HMCN2: variants seen among roughly 807,000 people sequenced by gnomAD.
The protein encoded by HMCN2 is hemicentin-2.
In HMCN2, 325 loss-of-function variants were observed where a neutral mutation model predicts 377.5. That is an observed-to-expected ratio of 0.86 (90% CI 0.79 to 0.94). The LOEUF (loss-of-function observed/expected upper bound fraction) is 0.94, where lower values mean the gene tolerates loss of function less well. HMCN2 is among the 40% of genes least tolerant of loss of function. The pLI is 0.00. For synonymous variants in HMCN2, 2,007 were observed against 2,046.8 expected, an observed-to-expected ratio of 0.98 and a Z score of 0.53; for missense variants, 4,543 against 4,725.3, an observed-to-expected ratio of 0.96 and a Z score of 1.13.
intron 83 of HMCN2, among the ~76,000 whole-genome samples, chr9:130,408,314 C>T (rs115591691): frequency 0.013 from 1,982 of 152,254 alleles, 42 homozygotes; most frequent in African/African-American, 0.043. Flanking sequence ...AATCTCATAG[C>T]GTTGCTTTGT....
In HMCN2 at chr9:130,359,402, G is replaced by A. The variant is rs576559848; in HGVS notation, c.5761G>A (p.Val1921Met). ...GACCTTGGAGTGTCTGGCTTCGGGC[G>A]TGCCCCCTCCTGGTAAGACCCCTCC... ...SVTLECLASG[V>M]PPPDVSWFKG... The change falls in exon 37 of 98, where the codon GTG becomes ATG. Residue 1921 changes from valine (V) to methionine (M), a missense_variant. Val to Met is a conservative substitution (Grantham distance 21). Transcript: ENST00000683500. The A allele has an allele frequency of 2.8e-5, 37 of 1,301,400 alleles. No homozygotes were observed. Among genetic ancestry groups the A allele is most frequent in the Admixed American group, 1.2e-4 (5 of 43,468 alleles). 80.6% of individuals were successfully genotyped at this position (1,301,400 alleles called of 1,614,324 possible).
At position 130,384,683 on chromosome 9, in the gene HMCN2, A is replaced by G. The variant is rs1475446378; in HGVS notation, c.8993-2A>G. 5 of 1,302,300 alleles carry G rather than the reference A, an allele frequency of 3.8e-6. No homozygotes were observed. In the Admixed American group the frequency reaches 1.1e-4, roughly 30 times the overall value. The allele number at this position is 1,302,300 out of a possible 1,614,324, so 80.7% of individuals were successfully genotyped here. A position where few individuals can be genotyped will look rare whatever the true frequency, so the allele number is the denominator to read the frequency against. ...GTGTGAGGGGCTGGCTTCCCCCGGC[A>G]GGCACCCACACGCTGCAGCTGGGGA... On this transcript the variant is annotated splice_acceptor_variant, in intron 58 of 97. Transcript: ENST00000683500. LOFTEE classifies it high-confidence loss of function.
chr9:130,428,560 G>C lies in HMCN2; in HGVS notation c.14197+71G>C, dbSNP rs997728729. ...AGAGGTTGCCAGGGATCAGCTGACA[G>C]GGGGCTGTGTGTCACTGGGCTCTGG... On this transcript the variant is annotated intron_variant, in intron 93 of 97. Transcript: ENST00000683500. This position sits in a 1 kb window ranked among gnomAD's most constrained non-coding sequence, Gnocchi z 5.0. 1.3e-6 allele frequency: 2 copies of C among 1,514,976 alleles called. No homozygotes were observed. Among genetic ancestry groups the C allele is most frequent in the Admixed American group, 4.0e-5 (2 of 50,436 alleles). 93.8% of individuals were successfully genotyped at this position (1,514,976 alleles called of 1,614,324 possible).
chr9:130,428,564 G>A lies in HMCN2; in HGVS notation c.14197+75G>A. 4 of 1,507,920 alleles carry A rather than the reference G, an allele frequency of 2.7e-6. No homozygotes were observed. In the South Asian group the frequency reaches 4.9e-5, roughly 19 times the overall value. The allele number at this position is 1,507,920 out of a possible 1,614,324, so 93.4% of individuals were successfully genotyped here. A position where few individuals can be genotyped will look rare whatever the true frequency, so the allele number is the denominator to read the frequency against. On this transcript the variant is annotated intron_variant, in intron 93 of 97. Coordinates refer to ENST00000683500, the MANE Select transcript of HMCN2 (RefSeq NM_001291815.2). The surrounding 1 kb of genome is among the most constrained non-coding windows in gnomAD (Gnocchi z 5.0). The stretch of plus-strand genomic sequence containing the variant: ...GTTGCCAGGGATCAGCTGACAGGGG[G>A]CTGTGTGTCACTGGGCTCTGGGCTT...
At chr9:130,401,345 A>G (rs530168257) in intron 77 of HMCN2, among the ~76,000 whole-genome samples, 2 of 152,124 alleles carry the variant, frequency 1.3e-5, no homozygotes, top group Non-Finnish European at 2.9e-5. Flanking sequence ...TTTTTTTAAG[A>G]TGGAGTCTCG....
At chr9:130,339,466 G>A (rs1039984168) in intron 23 of HMCN2, among the ~76,000 whole-genome samples, 1 of 152,170 alleles carries the variant, frequency 6.6e-6, no homozygotes, top group South Asian at 2.1e-4. Flanking sequence ...GGGTTTGCCT[G>A]GGGGTGTGAG....
At chr9:130,331,154 C>T (rs1838405139) in intron 22 of HMCN2, among the ~76,000 whole-genome samples, 1 of 129,286 alleles carries the variant, frequency 7.7e-6, no homozygotes, top group South Asian at 2.3e-4. Flanking sequence ...AAGACTCTGT[C>T]TTAAAAAAAA....
intron 77 of HMCN2, among the ~76,000 whole-genome samples, chr9:130,401,261 C>T (rs1370437404): frequency 6.6e-6 from 1 of 152,186 alleles, no homozygotes; most frequent in African/African-American, 2.4e-5. Flanking sequence ...GAAAGATCCT[C>T]CTGTATTCTG....
At chr9:130,377,117 T>A (rs541682804) in intron 52 of HMCN2, among the ~76,000 whole-genome samples, 2 of 151,066 alleles carry the variant, frequency 1.3e-5, no homozygotes, top group South Asian at 2.1e-4. Flanking sequence ...ATTTTATTTT[T>A]TTATTTTTAT....
At chr9:130,409,015 A>G in intron 84 of HMCN2, 82 bp downstream of exon 84, 6 of 963,456 alleles carry the variant, frequency 6.2e-6, no homozygotes, top group Non-Finnish European at 8.4e-6. Context: ...GGTTCTTCCT[A>G]TTGCCCCCTC....
intron 25 of HMCN2, among the ~76,000 whole-genome samples, 166 bp from the exon 26 acceptor site, chr9:130,347,000 C>T (rs1033721814): frequency 2.6e-5 from 4 of 152,060 alleles, no homozygotes; most frequent in African/African-American, 4.8e-5. Context: ...GGGGCTCCCA[C>T]GGCTCCGAGG....
intron 43 of HMCN2, among the ~76,000 whole-genome samples, chr9:130,367,115 A>C (rs1588321879): frequency 6.6e-6 from 1 of 151,774 alleles, no homozygotes; most frequent in Admixed American, 6.6e-5. Context: ...TGGATGGGGG[A>C]ATGAGAGGAG....
intron 22 of HMCN2, among the ~76,000 whole-genome samples, chr9:130,328,510 C>T (rs1480585830): frequency 3.3e-5 from 5 of 152,344 alleles, no homozygotes; most frequent in South Asian, 4.1e-4. Flanking sequence ...TGTAAATTTG[C>T]GAAAGCCACT....
chr9:130,312,925 G>T (rs1465793119), intron 15 of HMCN2, among the ~76,000 whole-genome samples: 1 of 152,084 alleles, frequency 6.6e-6, no homozygotes, highest in Non-Finnish European at 1.5e-5. Flanking sequence ...CTCCCAAAGT[G>T]CTGGGATTAT....
chr9:130,364,805 T>C lies in HMCN2; in HGVS notation c.6324T>C (p.Pro2108=). 1.0e-6 allele frequency: 1 copy of C among 985,974 alleles called. No homozygotes were observed. The highest frequency in any genetic ancestry group is 1.2e-6 in the Non-Finnish European group (1 of 830,036). 61.1% of individuals were successfully genotyped at this position (985,974 alleles called of 1,614,324 possible). The part of the protein sequence containing the change: ...ALECQSHAMP[P]PVLSWWKDGR... ...AGTGCCAGAGCCACGCCATGCCCCCTCCTGTGCTGAGCTGGTGGAAGGACG... is the reference window on the plus strand; with the variant it reads ...AGTGCCAGAGCCACGCCATGCCCCCCCCTGTGCTGAGCTGGTGGAAGGACG... Residue 2108 remains proline, a synonymous_variant, in exon 41 of 98, where the codon CCT becomes CCC. Coordinates refer to ENST00000683500, the MANE Select transcript of HMCN2 (RefSeq NM_001291815.2).
At chr9:130,311,661 G>A (rs1837246355) in intron 15 of HMCN2, among the ~76,000 whole-genome samples, 1 of 152,166 alleles carries the variant, frequency 6.6e-6, no homozygotes, top group African/African-American at 2.4e-5. Context: ...GAAACCAGAA[G>A]CACCCAGAAA....
At chr9:130,268,201 C>T (rs1300354593) in intron 1 of HMCN2, among the ~76,000 whole-genome samples, 2 of 152,180 alleles carry the variant, frequency 1.3e-5, no homozygotes, top group Non-Finnish European at 2.9e-5. Context: ...CATTTGTGGC[C>T]ATGAGCCTCA....
At chr9:130,350,555 CA>C (rs1392242593) in intron 29 of HMCN2, among the ~76,000 whole-genome samples, 2 of 144,546 alleles carry the variant, frequency 1.4e-5, no homozygotes, top group Non-Finnish European at 1.5e-5. Flanking sequence ...AGACTCCGTC[CA>C]AAAAAAAGTC....
rs1465296241 is a variant in HMCN2, at chr9:130,356,267, C to T, written c.5425+10C>T. On this transcript the variant is annotated intron_variant, in intron 34 of 97. Coordinates refer to ENST00000683500, the MANE Select transcript of HMCN2 (RefSeq NM_001291815.2). The stretch of plus-strand genomic sequence containing the variant: ...GAGGTGTCTGTGCATGGTGAGTGGG[C>T]GCCTGGGGTTCTGGAGCTGTGGGCA... 12 of 1,286,356 alleles carry T rather than the reference C, an allele frequency of 9.3e-6. No individual in the cohort carries two copies. The highest frequency in any genetic ancestry group is 7.7e-5 in the South Asian group (6 of 78,266). The allele number at this position is 1,286,356 out of a possible 1,614,324, so 79.7% of individuals were successfully genotyped here. A position where few individuals can be genotyped will look rare whatever the true frequency, so the allele number is the denominator to read the frequency against.
Sources: allele counts gnomAD v4.1 joint callset (sites outside exome capture counted in the v4.1 genomes callset), GRCh38; gene constraint gnomAD v4.1.1; non-coding constraint Gnocchi (gnomAD v3.1); transcripts MANE v1.5; gene names NCBI Gene and HGNC (gene_info 2026-07-23, HGNC 2026-07-21).